DDX60L: variants seen among roughly 807,000 people sequenced by gnomAD.
DDX60L encodes the protein probable ATP-dependent RNA helicase DDX60-like.
Under a neutral mutation model 211.6 loss-of-function variants are expected in DDX60L, and 191 were observed. The observed-to-expected ratio is 0.90, with a 90% CI of 0.80 to 1.02. The LOEUF (loss-of-function observed/expected upper bound fraction) is 1.02, where lower values mean the gene tolerates loss of function less well. DDX60L is among the 50% of genes least tolerant of loss of function. DDX60L has a pLI of 0.00. For missense variants in DDX60L, 2,007 were observed against 1,984.1 expected (o/e 1.01, Z -0.22); for synonymous variants, 706 against 694.1 (o/e 1.02, Z -0.27).
chr4:168,394,807 T>C (rs1745488776), intron 27 of DDX60L, among the ~76,000 whole-genome samples, 190 bp from the exon 28 acceptor site: 1 of 152,172 alleles, frequency 6.6e-6, no homozygotes, highest in South Asian at 2.1e-4. Flanking sequence ...ACAGACTCTC[T>C]CAGAAAAGAG....
chr4:168,400,702 G>A (rs1399322640), intron 26 of DDX60L, 124 bp downstream of exon 26: 2 of 796,676 alleles, frequency 2.5e-6, no homozygotes, highest in Non-Finnish European at 3.9e-6. Context: ...TACTCTATTT[G>A]CAAAAACTGT....
At chr4:168,377,291 CAAATAAATAAATAAATAAATAAAT>C (rs200027731) in intron 33 of DDX60L, among the ~76,000 whole-genome samples, 1 of 110,642 alleles carries the variant, frequency 9.0e-6, no homozygotes, top group African/African-American at 3.6e-5. Flanking sequence ...GACTCTGTCT[CAAATAAATAAATAAATAAATAAAT>C]AAATAAATAA....
chr4:168,416,792 A>G lies in DDX60L; in HGVS notation c.2616T>C (p.His872=). 6.4e-7 allele frequency: 1 copy of G among 1,556,766 alleles called. No individual in the cohort carries two copies. The highest frequency in any genetic ancestry group is 1.2e-5 in the South Asian group (1 of 83,590). Residue 872 remains histidine (H), a synonymous_variant, in exon 20 of 38, where the codon CAT becomes CAC. Transcript: ENST00000682922. ...TTGCTCCAACTTCTCTGCCAAGATA[A>G]TGGACCTAGTAAAGAAAAAAAAATC... ...RIRYVIFDEV[H]YLGREVGAKF...
intron 24 of DDX60L, among the ~76,000 whole-genome samples, chr4:168,405,535 G>T (rs1290722100): frequency 1.3e-5 from 2 of 152,044 alleles, no homozygotes; most frequent in East Asian, 1.9e-4. Flanking sequence ...TTCAGAAATT[G>T]GTTATTTTTA....
intron 1 of DDX60L, among the ~76,000 whole-genome samples, chr4:168,473,399 T>C (rs982331855): frequency 6.6e-6 from 1 of 152,188 alleles, no homozygotes; most frequent in Admixed American, 6.5e-5. Context: ...GAAATAGTCC[T>C]GTAGAAAGAT....
At chr4:168,462,919 A>G (rs879809200) in intron 4 of DDX60L, among the ~76,000 whole-genome samples, 1 of 152,230 alleles carries the variant, frequency 6.6e-6, no homozygotes, top group Admixed American at 6.5e-5. Context: ...ACAATGAGAT[A>G]CCATCTCACG....
At chr4:168,398,933 G>C (rs1003965323) in intron 26 of DDX60L, among the ~76,000 whole-genome samples, 2 of 150,788 alleles carry the variant, frequency 1.3e-5, no homozygotes, top group East Asian at 3.9e-4. Context: ...CTAAGCACTT[G>C]ATGGGATTAC....
chr4:168,416,895 T>A, intron 19 of DDX60L, 98 bp from the exon 20 acceptor site: 1 of 612,316 alleles, frequency 1.6e-6, no homozygotes, highest in Non-Finnish European at 2.8e-6. Flanking sequence ...CAGTTTCCTA[T>A]AAATGACCTA....
At chr4:168,415,917 T>A in intron 20 of DDX60L, 118 bp from the exon 21 acceptor site, 2 of 924,198 alleles carry the variant, frequency 2.2e-6, no homozygotes, top group South Asian at 4.9e-5. Flanking sequence ...GCCCTCTCAA[T>A]TTAAACCACC....
chr4:168,424,806 T>C (rs947208982), intron 14 of DDX60L, among the ~76,000 whole-genome samples: 1 of 152,108 alleles, frequency 6.6e-6, no homozygotes, highest in African/African-American at 2.4e-5. Flanking sequence ...TAAATCCCCA[T>C]ACTAATGGAT....
intron 22 of DDX60L, among the ~76,000 whole-genome samples, chr4:168,407,714 C>A (rs1579437852): frequency 1.3e-5 from 2 of 152,080 alleles, no homozygotes; most frequent in East Asian, 1.9e-4. Flanking sequence ...AAATACTGGG[C>A]TAAAGGAGCC....
chr4:168,414,612 C>T (rs1016261548), intron 22 of DDX60L, among the ~76,000 whole-genome samples: 3 of 151,928 alleles, frequency 2.0e-5, no homozygotes, highest in African/African-American at 7.3e-5. Flanking sequence ...AACCTAAGTG[C>T]CCATCAACAA....
chr4:168,378,986 C>T (rs1742446922), intron 32 of DDX60L, among the ~76,000 whole-genome samples: 1 of 152,134 alleles, frequency 6.6e-6, no homozygotes, highest in Non-Finnish European at 1.5e-5. Flanking sequence ...ACCTACTCTC[C>T]ACTCCCCATA....
At chr4:168,400,383 G>C (rs1428233908) in intron 26 of DDX60L, among the ~76,000 whole-genome samples, 2 of 152,160 alleles carry the variant, frequency 1.3e-5, no homozygotes, top group African/African-American at 4.8e-5. Flanking sequence ...TAGACGCCCA[G>C]CAATGGGATT....
intron 10 of DDX60L, among the ~76,000 whole-genome samples, chr4:168,440,758 C>T (rs1169585349): frequency 6.6e-6 from 1 of 152,178 alleles, no homozygotes; most frequent in African/African-American, 2.4e-5. Context: ...TATCCATCAG[C>T]ACCTTTGTAA....
rs758581501 is a variant in DDX60L, at chr4:168,441,338, T to C, written c.1293A>G (p.Gln431=). The C allele has an allele frequency of 8.7e-6, 14 of 1,604,254 alleles. No homozygotes were observed. Among genetic ancestry groups the C allele is most frequent in the Non-Finnish European group, 1.0e-5 (12 of 1,175,618 alleles). The stretch of plus-strand genomic sequence containing the variant: ...CACTTTAATTTACCCATTTAGTACC[T>C]TGAATGACCGATTTCTCTTGTCTAA... The part of the protein sequence containing the change: ...HFLRQEKSVI[Q]EISLEKMPSV... The change falls in exon 10 of 38, where the codon CAA becomes CAG. Residue 431 remains glutamine (Q), a splice_region_variant and synonymous_variant. Coordinates refer to ENST00000682922, the MANE Select transcript of DDX60L (RefSeq NM_001012967.3).
At chr4:168,400,786 C>T (rs1746653646) in intron 26 of DDX60L, 40 bp downstream of exon 26, 1 of 1,547,314 alleles carries the variant, frequency 6.5e-7, no homozygotes, top group Admixed American at 1.9e-5. Context: ...ATATTTTAGT[C>T]TTCAGGGGCC....
intron 27 of DDX60L, among the ~76,000 whole-genome samples, chr4:168,394,909 A>T (rs1579352322): frequency 6.6e-6 from 1 of 152,332 alleles, no homozygotes; most frequent in Middle Eastern, 3.4e-3. Context: ...CCTGAGAGAG[A>T]CAGACTACTT....
At chr4:168,415,823 A>T in intron 20 of DDX60L, 24 bp from the exon 21 acceptor site, 3 of 1,464,390 alleles carry the variant, frequency 2.0e-6, no homozygotes, top group Non-Finnish European at 2.7e-6. Flanking sequence ...CATGCATATA[A>T]TTTAAATAAA....
Sources: gnomAD v4.1 joint callset for allele counts (sites outside exome capture counted in the v4.1 genomes callset) on GRCh38, gnomAD v4.1.1 for gene constraint, MANE v1.5 for transcripts, NCBI Gene and HGNC (gene_info 2026-07-23, HGNC 2026-07-21) for gene names.